Variants in PCDH7 observed in about 807,000 individuals in gnomAD.
PCDH7 encodes protocadherin-7.
PCDH7 carries 17 observed loss-of-function variants against 58.9 expected under a neutral mutation model. That is an observed-to-expected ratio of 0.29 (90% CI 0.20 to 0.43). PCDH7 has a LOEUF of 0.43. Among genes scored for constraint, PCDH7 ranks in the 20% least tolerant of loss-of-function variants. The pLI, the probability that PCDH7 is intolerant of heterozygous loss-of-function variation, is 1.00. For missense variants in PCDH7, 1,274 were observed against 1,441.0 expected, an observed-to-expected ratio of 0.88 and a Z score of 1.88; for synonymous variants, 664 against 616.4, an observed-to-expected ratio of 1.08 and a Z score of -1.14.
At chr4:30,915,947 G>A (rs1347203325) in intron 1 of PCDH7, among the ~76,000 whole-genome samples, 2 of 152,012 alleles carry the variant, frequency 1.3e-5, no homozygotes, top group Admixed American at 6.6e-5. Flanking sequence ...CACTGCCTTT[G>A]CACTGCCTGT....
chr4:30,751,506 T>C (rs907061972), intron 1 of PCDH7, among the ~76,000 whole-genome samples: 4 of 152,142 alleles, frequency 2.6e-5, no homozygotes, highest in Non-Finnish European at 5.9e-5. Flanking sequence ...TAGAAAACTG[T>C]GAAATAGCCA....
At chr4:30,861,371 G>A (rs765370149) in intron 1 of PCDH7, among the ~76,000 whole-genome samples, 11 of 152,226 alleles carry the variant, frequency 7.2e-5, no homozygotes, top group Middle Eastern at 3.4e-3. Flanking sequence ...GTGGATCTGA[G>A]CAACTAAATG....
chr4:31,044,977 T>C (rs1432132102), intron 3 of PCDH7, among the ~76,000 whole-genome samples: 1 of 152,062 alleles, frequency 6.6e-6, no homozygotes, highest in African/African-American at 2.4e-5. Flanking sequence ...GAGAGTCCCC[T>C]AAGTATTTTA....
At chr4:30,896,412 C>G (rs879257625) in intron 1 of PCDH7, among the ~76,000 whole-genome samples, 1 of 151,934 alleles carries the variant, frequency 6.6e-6, no homozygotes, top group Non-Finnish European at 1.5e-5. Context: ...TGTTTCTACC[C>G]CCACCTTGGG....
chr4:30,981,900 C>T (rs538588621), intron 3 of PCDH7, among the ~76,000 whole-genome samples: 12 of 152,200 alleles, frequency 7.9e-5, no homozygotes, highest in African/African-American at 2.9e-4. Context: ...TTGTTGGCAG[C>T]CTATGTTCTA....
intron 1 of PCDH7, among the ~76,000 whole-genome samples, chr4:30,783,626 T>C (rs1435988830): frequency 6.6e-6 from 1 of 152,152 alleles, no homozygotes; most frequent in African/African-American, 2.4e-5. Flanking sequence ...TTTTTCAGGG[T>C]CACAGATAAA....
intron 3 of PCDH7, among the ~76,000 whole-genome samples, chr4:31,004,804 C>G (rs544347592): frequency 6.6e-6 from 1 of 151,946 alleles, no homozygotes; most frequent in African/African-American, 2.4e-5. Context: ...ATATTATTTC[C>G]TTTTTAAAGA....
chr4:31,056,124 T>C lies in PCDH7; in HGVS notation c.*8-86349T>C, dbSNP rs1035473238. ...TGGCTCATGCATGTAATCTCAATAC[T>C]TCGGGAGTCTGAGGCAGAAGGATCA... On this transcript the variant is annotated intron_variant, in intron 3 of 3. Coordinates refer to the PCDH7 transcript ENST00000509759. 4.6e-5 allele frequency among the ~76,000 whole-genome samples: 7 copies of C among 152,086 alleles called. 1 individual carries two copies. Among genetic ancestry groups the C allele is most frequent in the Non-Finnish European group, 1.5e-5 (1 of 67,988 alleles).
At chr4:31,049,944 G>A (rs139815662) in intron 3 of PCDH7, among the ~76,000 whole-genome samples, 1 of 152,258 alleles carries the variant, frequency 6.6e-6, no homozygotes, top group African/African-American at 2.4e-5. Flanking sequence ...GCTGAAAGGG[G>A]TAGTTTTCTG....
chr4:30,985,706 T>G (rs1374211505), intron 3 of PCDH7, among the ~76,000 whole-genome samples: 2 of 152,214 alleles, frequency 1.3e-5, no homozygotes, highest in Admixed American at 6.5e-5. Flanking sequence ...TTGATCTACC[T>G]TCAGCTAACT....
chr4:30,990,114 T>A (rs1278204760), intron 3 of PCDH7, among the ~76,000 whole-genome samples: 1 of 151,996 alleles, frequency 6.6e-6, no homozygotes, highest in South Asian at 2.1e-4. Flanking sequence ...ATGATTATAG[T>A]ATAATTTTTA....
chr4:30,943,853 C>A (rs944836395), intron 2 of PCDH7, among the ~76,000 whole-genome samples: 3 of 151,886 alleles, frequency 2.0e-5, no homozygotes, highest in African/African-American at 7.3e-5. Flanking sequence ...AACTTTACTG[C>A]AAGTTTGGTC....
chr4:30,922,627 CA>C (rs1743322662), intron 2 of PCDH7, among the ~76,000 whole-genome samples: 1 of 151,840 alleles, frequency 6.6e-6, no homozygotes, highest in Non-Finnish European at 1.5e-5. Flanking sequence ...GAAAGAGTTC[CA>C]AAAAACGACT....
At chr4:30,862,730 A>G (rs1298518898) in intron 1 of PCDH7, among the ~76,000 whole-genome samples, 3 of 152,114 alleles carry the variant, frequency 2.0e-5, no homozygotes, top group African/African-American at 7.2e-5. Flanking sequence ...CAGTTCAACA[A>G]CAAAAGGGTC....
intron 1 of PCDH7, among the ~76,000 whole-genome samples, chr4:30,845,042 G>T (rs1731735611): frequency 6.6e-6 from 1 of 152,086 alleles, no homozygotes; most frequent in African/African-American, 2.4e-5. Context: ...ATCTTCAGGG[G>T]AGTTTTGTCA....
intron 3 of PCDH7, among the ~76,000 whole-genome samples, chr4:30,985,186 A>C (rs1750867940): frequency 6.6e-6 from 1 of 152,086 alleles, no homozygotes; most frequent in Non-Finnish European, 1.5e-5. Flanking sequence ...CGAACTTGTG[A>C]CCTCAAGTGA....
At chr4:30,739,137 A>AATATATATATTTTATATATATATTAT (rs1716724998) in intron 1 of PCDH7, among the ~76,000 whole-genome samples, 1 of 146,576 alleles carries the variant, frequency 6.8e-6, no homozygotes, top group Admixed American at 6.9e-5. Context: ...TATATATAAA[A>AATATATATATTTTATATATATATTAT]ATATATATAT....
At chr4:30,813,876 G>T (rs538530475) in intron 1 of PCDH7, among the ~76,000 whole-genome samples, 2 of 152,062 alleles carry the variant, frequency 1.3e-5, no homozygotes, top group African/African-American at 4.8e-5. Context: ...TCCTGACCTC[G>T]TGATCTGCCA....
At chr4:30,799,386 G>T (rs1047252631) in intron 1 of PCDH7, among the ~76,000 whole-genome samples, 6 of 152,176 alleles carry the variant, frequency 3.9e-5, no homozygotes, top group Non-Finnish European at 8.8e-5. Context: ...TATTGTTGAA[G>T]CCATTCTTAA....
Sources: gnomAD v4.1 joint callset for allele counts (sites outside exome capture counted in the v4.1 genomes callset) on GRCh38, gnomAD v4.1.1 for gene constraint, MANE v1.5 for transcripts, NCBI Gene and HGNC (gene_info 2026-07-23, HGNC 2026-07-21) for gene names.